The following IL9R variants were observed in gnomAD, a reference collection of about 807,000 sequenced individuals.
The protein encoded by IL9R is interleukin-9 receptor.
Under a neutral mutation model 56.3 loss-of-function variants are expected in IL9R, and 54 were observed. That is an observed-to-expected ratio of 0.96 (90% CI 0.77 to 1.20). The LOEUF (loss-of-function observed/expected upper bound fraction) is 1.20, where lower values mean the gene tolerates loss of function less well. Ranked by LOEUF, IL9R falls within the 50% of genes most tolerant of loss-of-function variation. The pLI is 0.00. For synonymous variants in IL9R, 212 were observed against 250.2 expected, an observed-to-expected ratio of 0.85 and a Z score of 1.44; for missense variants, 545 against 629.8, an observed-to-expected ratio of 0.87 and a Z score of 1.44.
At chrX:156,003,592 G>A (rs1318455077) in intron 3 of IL9R, 32 bp downstream of exon 3, 1 of 1,608,190 alleles carries the variant, frequency 6.2e-7, no homozygotes. Flanking sequence ...CACCTGGACA[G>A]GGATGAGGGT....
chrX:156,004,889 T>C (rs1003880439), intron 5 of IL9R, among the ~76,000 whole-genome samples: 4 of 152,130 alleles, frequency 2.6e-5, no homozygotes, highest in African/African-American at 9.7e-5. Context: ...TAAGTGTACA[T>C]ATGTGTGTGC....
At chrX:156,003,894 C>A in intron 4 of IL9R, 39 bp downstream of exon 4, 1 of 1,605,518 alleles carries the variant, frequency 6.2e-7, no homozygotes, top group Non-Finnish European at 8.5e-7. Context: ...GGCCGCTTGG[C>A]AAGAACATCC....
chrX:156,010,397 C>G lies in IL9R; in HGVS notation c.1554C>G (p.Ser518=). The change falls in exon 9 of 9, where the codon TCC becomes TCG. Residue 518 remains serine, a synonymous_variant. Transcript: ENST00000244174. The part of the protein sequence containing the change: ...LLPSVLSKAR[S]WTF ...CTTCTGTCCTCAGCAAGGCTCGGTCCTGGACATTCTAGGTCCCTGACTCGC... is the reference window on the plus strand; with the variant it reads ...CTTCTGTCCTCAGCAAGGCTCGGTCGTGGACATTCTAGGTCCCTGACTCGC... The G allele has an allele frequency of 4.0e-6, 2 of 498,756 alleles. No individual in the cohort carries two copies. Among genetic ancestry groups the G allele is most frequent in the Non-Finnish European group, 6.5e-6 (2 of 309,886 alleles). The allele number at this position is 498,756 out of a possible 1,614,324, so 30.9% of individuals were successfully genotyped here. A position where few individuals can be genotyped will look rare whatever the true frequency, so the allele number is the denominator to read the frequency against.
At chrX:156,001,384 C>A (rs1234941987) in intron 1 of IL9R, 3 of 1,498,086 alleles carry the variant, frequency 2.0e-6, no homozygotes, top group Non-Finnish European at 1.9e-6. Context: ...AGGCTGACTG[C>A]CTTCCCCATT....
chrX:155,999,407 G>C (rs2067358758), intron 1 of IL9R, among the ~76,000 whole-genome samples: 1 of 151,942 alleles, frequency 6.6e-6, no homozygotes, highest in African/African-American at 2.4e-5. Context: ...ATGCTTCTTG[G>C]TGCCATCTCT....
At chrX:156,005,616 C>T (rs2067878327) in intron 6 of IL9R, 137 bp downstream of exon 6, 2 of 722,254 alleles carry the variant, frequency 2.8e-6, no homozygotes, top group South Asian at 3.4e-5. Flanking sequence ...TGACCCCCTT[C>T]CTCTGAAGGT....
intron 2 of IL9R, among the ~76,000 whole-genome samples, 170 bp downstream of exon 2, chrX:156,003,189 C>G (rs187281206): frequency 5.3e-5 from 8 of 152,152 alleles, no homozygotes; most frequent in African/African-American, 1.9e-4. Context: ...CCTACTTTTA[C>G]CTCCCTACCT....
chrX:156,005,529 T>C (rs1334825261), intron 6 of IL9R, 50 bp downstream of exon 6: 1 of 1,494,938 alleles, frequency 6.7e-7, no homozygotes, highest in African/African-American at 1.4e-5. Context: ...GGGCTGGGCG[T>C]CTTCTCCCCT....
chrX:156,000,634 G>A (rs918667559), intron 1 of IL9R, among the ~76,000 whole-genome samples: 2 of 152,202 alleles, frequency 1.3e-5, no homozygotes, highest in Non-Finnish European at 2.9e-5. Context: ...ACCAGGTGTT[G>A]TCTGAGCTGT....
In IL9R at chrX:156,005,452, G is replaced by C. The variant is rs752816386; in HGVS notation, c.754G>C (p.Val252Leu). 6.2e-7 allele frequency: 1 copy of C among 1,613,066 alleles called. No homozygotes were observed. Among genetic ancestry groups the C allele is most frequent in the Admixed American group, 1.7e-5 (1 of 60,010 alleles). Residue 252 changes from valine (V) to leucine (L), a missense_variant, in exon 6 of 9, where the codon GTG becomes CTG. Transcript: ENST00000244174. ...TGQWSEWSQPVCFQAPQRQGP... is the reference protein window; with the variant it reads ...TGQWSEWSQPLCFQAPQRQGP... ...CCAGTGGAGTGAGTGGAGCCAGCCT[G>C]TGTGCTTCCAGGCTCCCCAGAGACA...
intron 1 of IL9R, chrX:156,001,545 G>C (rs3093536): frequency 0.015 from 19,816 of 1,357,402 alleles, 193 homozygotes; most frequent in Middle Eastern, 0.018. Flanking sequence ...ACAGGGGACT[G>C]TCCTATGGGT....
chrX:156,000,660 G>C (rs2124491471), intron 1 of IL9R, among the ~76,000 whole-genome samples: 1 of 152,292 alleles, frequency 6.6e-6, no homozygotes, highest in East Asian at 1.9e-4. Context: ...GGCTTCCCTG[G>C]TGACATTCAG....
At chrX:156,001,831 C>T (rs1436507677) in intron 1 of IL9R, among the ~76,000 whole-genome samples, 1 of 152,206 alleles carries the variant, frequency 6.6e-6, no homozygotes, top group Non-Finnish European at 1.5e-5. Context: ...TAGCCAACCT[C>T]TGGCTCCCCT....
chrX:156,007,430 G>A, intron 7 of IL9R, 93 bp from the exon 8 acceptor site: 1 of 833,844 alleles, frequency 1.2e-6, no homozygotes, highest in Non-Finnish European at 2.1e-6. Context: ...GAGGTGGGCG[G>A]ACCTCCTGCT....
chrX:156,009,268 G>GTGTGTGTGTC (rs2068297434), intron 8 of IL9R, among the ~76,000 whole-genome samples: 2 of 125,846 alleles, frequency 1.6e-5, no homozygotes, highest in African/African-American at 3.5e-5. Flanking sequence ...GTGTGTGTTT[G>GTGTGTGTGTC]TGTGTGTATG....
chrX:156,002,104 G>C (rs1183711234), intron 1 of IL9R, among the ~76,000 whole-genome samples: 2 of 152,082 alleles, frequency 1.3e-5, no homozygotes, highest in Admixed American at 1.3e-4. Context: ...CACTTTGGGA[G>C]GCCAAGGCAG....
Position 156,004,499 on chromosome X carries a change from C to A in IL9R, c.513C>A (p.Ala171=). The A allele has an allele frequency of 1.2e-6, 2 of 1,613,758 alleles. No individual in the cohort carries two copies. The highest frequency in any genetic ancestry group is 1.7e-6 in the Non-Finnish European group (2 of 1,179,852). The change falls in exon 5 of 9, where the codon GCC becomes GCA. Residue 171 remains alanine, a synonymous_variant. Transcript: ENST00000244174. Reference sequence around the variant, plus strand: ...TCCTGACCTGGAGCATCAGTCCTGCCTTGGAGCCAATGACCACACTTCTCA... The same window carrying A: ...TCCTGACCTGGAGCATCAGTCCTGCATTGGAGCCAATGACCACACTTCTCA... ...HCILTWSISP[A]LEPMTTLLSY...
rs760647567 is a variant in IL9R, at chrX:156,003,815, G to T, written c.393G>T (p.Gln131His). The change falls in exon 4 of 9, where the codon CAG becomes CAT. Residue 131 changes from glutamine to histidine, a missense_variant. Physicochemically the swap from Gln to His is conservative, Grantham distance 24. Around this residue, in one of 2 missense-constraint regions of IL9R, gnomAD observed 431 missense variants for 360.0 expected, o/e 1.20. Coordinates refer to ENST00000244174, the MANE Select transcript of IL9R (RefSeq NM_002186.3). Reference sequence around the variant, plus strand: ...ACCACTGCATGTCTGGGAGGGAGCAGGTCAGCCTGGTGGACCCGGAGTACC... The same window carrying T: ...ACCACTGCATGTCTGGGAGGGAGCATGTCAGCCTGGTGGACCCGGAGTACC... The part of the protein sequence containing the change: ...TFHHCMSGRE[Q>H]VSLVDPEYLP... The T allele has an allele frequency of 1.9e-6, 3 of 1,613,942 alleles. No individual in the cohort carries two copies. The Admixed American group carries it at 5.0e-5, about 27-fold the overall frequency.
chrX:156,001,445 A>T, intron 1 of IL9R: 1 of 1,611,336 alleles, frequency 6.2e-7, no homozygotes, highest in Non-Finnish European at 8.5e-7. Flanking sequence ...GCTGCAGAGA[A>T]CTTGCCACGG....
Sources: allele counts gnomAD v4.1 joint callset (sites outside exome capture counted in the v4.1 genomes callset), GRCh38; gene constraint gnomAD v4.1.1; regional missense constraint gnomAD v4.1.1; transcripts MANE v1.5; gene names NCBI Gene and HGNC (gene_info 2026-07-23, HGNC 2026-07-21).